ACYP2: variants seen among roughly 807,000 people sequenced by gnomAD.
ACYP2 encodes acylphosphatase 2.
A neutral mutation model predicts 11.2 loss-of-function variants in ACYP2; 12 were observed. That is an observed-to-expected ratio of 1.08 (90% CI 0.69 to 1.74). The LOEUF is 1.74. Among genes scored for constraint, ACYP2 ranks in the 40% most tolerant of loss-of-function variants. The pLI is 0.00. For missense variants in ACYP2, 134 were observed against 101.9 expected (o/e 1.31, Z -1.35); for synonymous variants, 43 against 32.2 (o/e 1.33, Z -1.13).
chr2:54,227,364 G>A (rs996745487), intron 6 of ACYP2, among the ~76,000 whole-genome samples: 1 of 152,096 alleles, frequency 6.6e-6, no homozygotes, highest in Non-Finnish European at 1.5e-5. Context: ...ACACTGGGCT[G>A]AACAAAGTGG....
intron 6 of ACYP2, among the ~76,000 whole-genome samples, chr2:54,139,752 G>A (rs1462097017): frequency 3.3e-5 from 5 of 152,046 alleles, no homozygotes; most frequent in Admixed American, 6.6e-5. Context: ...GTGAAGTAAC[G>A]TAACACTGAG....
chr2:54,087,622 A>T (rs1267862635), intron 4 of ACYP2, among the ~76,000 whole-genome samples: 1 of 152,188 alleles, frequency 6.6e-6, no homozygotes, highest in African/African-American at 2.4e-5. Flanking sequence ...CAGTGCTGGG[A>T]TTACAGGTGT....
intron 6 of ACYP2, among the ~76,000 whole-genome samples, chr2:54,299,869 G>T (rs1446013928): frequency 6.6e-6 from 1 of 152,206 alleles, no homozygotes; most frequent in Non-Finnish European, 1.5e-5. Context: ...AGGCAGGTGT[G>T]TTTGCAGGTC....
intron 6 of ACYP2, among the ~76,000 whole-genome samples, chr2:54,188,857 ACTGATGTCCATAC>A (rs1285963955): frequency 2.0e-5 from 3 of 152,080 alleles, no homozygotes; most frequent in Non-Finnish European, 4.4e-5. Context: ...TTCCCAGCCT[ACTGATGTCCATAC>A]CTGACGCTCT....
chr2:54,155,054 CTAGAT>C (rs1682369816), intron 6 of ACYP2, among the ~76,000 whole-genome samples: 1 of 152,142 alleles, frequency 6.6e-6, no homozygotes, highest in South Asian at 2.1e-4. Context: ...TCCATTTCTT[CTAGAT>C]TATTCAATTT....
At chr2:54,246,545 C>A (rs1686959968) in intron 6 of ACYP2, among the ~76,000 whole-genome samples, 1 of 152,120 alleles carries the variant, frequency 6.6e-6, no homozygotes, top group Non-Finnish European at 1.5e-5. Flanking sequence ...TGTTTGTAAT[C>A]TAAAATCTAT....
At chr2:54,086,283 C>T (rs1677941695) in intron 4 of ACYP2, among the ~76,000 whole-genome samples, 1 of 152,120 alleles carries the variant, frequency 6.6e-6, no homozygotes, top group African/African-American at 2.4e-5. Context: ...GGAAGGCTAA[C>T]ACTCATAAAG....
intron 4 of ACYP2, among the ~76,000 whole-genome samples, chr2:54,127,750 CAAAAA>C (rs3068999): frequency 0.079 from 7,196 of 90,596 alleles, 578 homozygotes; most frequent in African/African-American, 0.25. Context: ...GAGACTGTCT[CAAAAA>C]AAAAAAAAAA....
chr2:53,986,411 A>G (rs374260477), intron 2 of ACYP2, among the ~76,000 whole-genome samples: 11 of 150,782 alleles, frequency 7.3e-5, no homozygotes, highest in African/African-American at 2.4e-4. Flanking sequence ...ATCTCAGCTC[A>G]CTGCAACTTC....
chr2:54,057,402 C>T, intron 4 of ACYP2: 1 of 396,454 alleles, frequency 2.5e-6, no homozygotes, highest in Non-Finnish European at 4.4e-6. Context: ...GAATATCTAC[C>T]TTTTACAGTT....
At chr2:54,162,568 G>A (rs1000355054) in intron 6 of ACYP2, among the ~76,000 whole-genome samples, 5 of 152,076 alleles carry the variant, frequency 3.3e-5, no homozygotes, top group Non-Finnish European at 7.4e-5. Context: ...CACCCTAGAC[G>A]TACTGAATCA....
intron 2 of ACYP2, among the ~76,000 whole-genome samples, chr2:53,999,189 T>C (rs571930936): frequency 2.4e-4 from 37 of 152,220 alleles, no homozygotes; most frequent in African/African-American, 8.4e-4. Context: ...GCCCCAAAAC[T>C]TGCCACAAAC....
At chr2:54,293,776 G>T (rs576220102) in intron 6 of ACYP2, among the ~76,000 whole-genome samples, 1 of 152,150 alleles carries the variant, frequency 6.6e-6, no homozygotes, top group Non-Finnish European at 1.5e-5. Flanking sequence ...AATTATGGAT[G>T]CTCTAGGATT....
chr2:54,188,469 A>G (rs1293598110), intron 6 of ACYP2, among the ~76,000 whole-genome samples: 1 of 152,224 alleles, frequency 6.6e-6, no homozygotes, highest in African/African-American at 2.4e-5. Flanking sequence ...AGCAGTAGAT[A>G]TAATATTCGA....
chr2:54,151,138 A>T (rs1682149676), intron 6 of ACYP2, among the ~76,000 whole-genome samples: 2 of 152,320 alleles, frequency 1.3e-5, no homozygotes, highest in South Asian at 2.1e-4. Context: ...TCACTAATAG[A>T]GTTGTGTTTA....
At chr2:54,090,961 T>C (rs1183258207) in intron 4 of ACYP2, among the ~76,000 whole-genome samples, 1 of 152,200 alleles carries the variant, frequency 6.6e-6, no homozygotes, top group East Asian at 1.9e-4. Context: ...ACTAGACATC[T>C]TTGTTTCCAT....
chr2:54,229,957 C>G (rs1315284285), intron 6 of ACYP2, among the ~76,000 whole-genome samples: 2 of 152,136 alleles, frequency 1.3e-5, no homozygotes, highest in African/African-American at 4.8e-5. Flanking sequence ...AAATTCCTAC[C>G]TTAGGGGTCT....
At chr2:54,149,083 A>T (rs148541542) in intron 6 of ACYP2, among the ~76,000 whole-genome samples, 129 of 152,354 alleles carry the variant, frequency 8.5e-4, no homozygotes, top group African/African-American at 2.8e-3. Context: ...AAACCCCATC[A>T]GTACAAAAAA....
chr2:54,115,766 C>G lies in ACYP2; in HGVS notation c.278-19687C>G. The G allele has an allele frequency of 1.3e-6, 2 of 1,596,150 alleles. No homozygotes were observed. The highest frequency in any genetic ancestry group is 2.2e-5 in the South Asian group (2 of 89,508). ...TTCGGAAGAGTGCAGGGTAGGAGGC[C>G]CCTCTACGGTGGGAGATCAAAAAGG... On this transcript the variant is annotated intron_variant, in intron 4 of 6. Coordinates refer to ENST00000607452, the MANE Select transcript of ACYP2 (RefSeq NM_001320586.2).
Sources: gnomAD v4.1 joint callset for allele counts (sites outside exome capture counted in the v4.1 genomes callset) on GRCh38, gnomAD v4.1.1 for gene constraint, MANE v1.5 for transcripts, NCBI Gene and HGNC (gene_info 2026-07-23, HGNC 2026-07-21) for gene names.